Variants in MEGF11 observed in about 807,000 individuals in gnomAD.
The protein encoded by MEGF11 is multiple epidermal growth factor-like domains protein 11.
A neutral mutation model predicts 146.6 loss-of-function variants in MEGF11; 126 were observed. The observed-to-expected ratio is 0.86, with a 90% CI of 0.74 to 1.00. The LOEUF is 1.00. Among genes scored for constraint, MEGF11 ranks in the 50% least tolerant of loss-of-function variants. MEGF11 has a pLI of 0.00. For missense variants in MEGF11, 1,509 were observed against 1,521.2 expected (o/e 0.99, Z 0.13); for synonymous variants, 532 against 583.4 (o/e 0.91, Z 1.27).
chr15:66,230,325 T>C, intron 1 of MEGF11, among the ~76,000 whole-genome samples: 1 of 152,152 alleles, frequency 6.6e-6, no homozygotes, highest in Non-Finnish European at 1.5e-5. Flanking sequence ...AAACCTTCTG[T>C]CTTACCTCCC....
At chr15:66,158,283 G>A (rs906916304) in intron 1 of MEGF11, among the ~76,000 whole-genome samples, 2 of 152,204 alleles carry the variant, frequency 1.3e-5, no homozygotes, top group South Asian at 4.2e-4. Flanking sequence ...GGACAGTCAG[G>A]AGCTTCGTGT....
chr15:65,994,844 G>C (rs1414899293), intron 5 of MEGF11, among the ~76,000 whole-genome samples: 3 of 152,200 alleles, frequency 2.0e-5, no homozygotes, highest in African/African-American at 7.2e-5. Context: ...TTTCATTTTG[G>C]CAAAGGCAAC....
chr15:66,054,335 C>T (rs901441011), intron 5 of MEGF11, among the ~76,000 whole-genome samples: 2 of 152,218 alleles, frequency 1.3e-5, no homozygotes, highest in Non-Finnish European at 2.9e-5. Flanking sequence ...TCCATGAGGG[C>T]CTCTCACAGC....
intron 1 of MEGF11, among the ~76,000 whole-genome samples, chr15:66,173,369 A>G (rs2090313703): frequency 6.6e-6 from 1 of 152,054 alleles, no homozygotes; most frequent in African/African-American, 2.4e-5. Flanking sequence ...AGGCTGGAGT[A>G]CAGTGGTGCG....
intron 1 of MEGF11, among the ~76,000 whole-genome samples, chr15:66,142,829 G>A (rs1875526290): frequency 6.6e-6 from 1 of 152,200 alleles, no homozygotes; most frequent in African/African-American, 2.4e-5. Context: ...TCAAGCAGGT[G>A]GTCTCGCTTG....
At chr15:66,065,695 A>G (rs1367966443) in intron 5 of MEGF11, among the ~76,000 whole-genome samples, 1 of 152,186 alleles carries the variant, frequency 6.6e-6, no homozygotes. Flanking sequence ...GGCTCTTTGC[A>G]TTATTGATTG....
At chr15:66,248,435 T>A (rs2092326531) in intron 1 of MEGF11, among the ~76,000 whole-genome samples, 2 of 152,222 alleles carry the variant, frequency 1.3e-5, no homozygotes. Flanking sequence ...ATAAAAGATA[T>A]ATAACTAGTA....
intron 5 of MEGF11, among the ~76,000 whole-genome samples, 195 bp downstream of exon 5, chr15:66,094,207 C>G (rs948556580): frequency 1.3e-5 from 2 of 152,166 alleles, no homozygotes; most frequent in Admixed American, 1.3e-4. Context: ...TCACAGGCCC[C>G]CATAAATCAC....
chr15:66,046,127 T>C (rs2084194824), intron 5 of MEGF11, among the ~76,000 whole-genome samples: 1 of 152,114 alleles, frequency 6.6e-6, no homozygotes, highest in African/African-American at 2.4e-5. Flanking sequence ...GTATCTTCAT[T>C]TTGCAGCTGT....
intron 5 of MEGF11, among the ~76,000 whole-genome samples, chr15:66,022,567 A>G (rs993776623): frequency 1.3e-5 from 2 of 152,236 alleles, no homozygotes; most frequent in South Asian, 2.1e-4. Flanking sequence ...GCTTACACCT[A>G]TAATCCCAGT....
chr15:66,034,504 C>G (rs2083651509), intron 5 of MEGF11, among the ~76,000 whole-genome samples: 1 of 151,868 alleles, frequency 6.6e-6, no homozygotes. Flanking sequence ...AGTGCAAACT[C>G]CATCTCCCAG....
intron 1 of MEGF11, among the ~76,000 whole-genome samples, chr15:66,232,435 G>A (rs1026781009): frequency 3.9e-5 from 6 of 152,092 alleles, no homozygotes; most frequent in South Asian, 2.1e-4. Context: ...CCAAGTCCCC[G>A]GGGAGCTCTG....
At chr15:66,146,620 C>T (rs145792257) in intron 1 of MEGF11, among the ~76,000 whole-genome samples, 2,172 of 152,370 alleles carry the variant, frequency 0.014, 25 homozygotes, top group Admixed American at 0.025. Context: ...AGTGTGGGGA[C>T]CCCGCTGAGC....
At chr15:66,184,716 G>A (rs984133177) in intron 1 of MEGF11, among the ~76,000 whole-genome samples, 2 of 147,044 alleles carry the variant, frequency 1.4e-5, no homozygotes, top group Admixed American at 6.8e-5. Context: ...CCCCTGCCTC[G>A]CTGACTTTCT....
rs181913711 is a variant in MEGF11, at chr15:66,154,637, G to A, written c.-8-26226C>T. Among the ~76,000 whole-genome samples the A allele has an allele frequency of 1.9e-4, 29 of 152,356 alleles. No homozygotes were observed. In the East Asian group the frequency reaches 3.5e-3, roughly 18 times the overall value. On this transcript the variant is annotated intron_variant, in intron 1 of 25. Transcript: ENST00000395614. ...ATGAAAGGCAAAGTGCTGGAGGGAC[G>A]TGCAAGACAGAGACACTTCTAAAAT... is the stretch of plus-strand genomic sequence containing the variant.
rs879383425 is a variant in MEGF11, at chr15:66,026,649, AT to A, written c.395-44162del. Among the ~76,000 whole-genome samples the A allele has an allele frequency of 9.5e-3, 1,371 of 144,220 alleles. 4 individuals are homozygous for A. Among genetic ancestry groups the A allele is most frequent in the Admixed American group, 0.013 (189 of 14,432 alleles). The allele number at this position is 144,220 out of a possible 152,430, so 94.6% of individuals were successfully genotyped here. A position where few individuals can be genotyped will look rare whatever the true frequency, so the allele number is the denominator to read the frequency against. ...CAGGCGCATGCCACCACACCCAGCT[AT>A]TTTTTTTTTTTGTATTTTTAGTAGA... On this transcript the variant is annotated intron_variant, in intron 5 of 25. Transcript: ENST00000395614.
chr15:65,946,086 C>A (rs1041063071), intron 10 of MEGF11, among the ~76,000 whole-genome samples: 1 of 152,156 alleles, frequency 6.6e-6, no homozygotes, highest in East Asian at 1.9e-4. Context: ...CAGTGCCTGG[C>A]CCAGAGTAAG....
chr15:66,067,440 G>T (rs1486136596), intron 5 of MEGF11, among the ~76,000 whole-genome samples: 1 of 152,166 alleles, frequency 6.6e-6, no homozygotes, highest in African/African-American at 2.4e-5. Context: ...AGAAAATGAG[G>T]CCCACAGCAA....
intron 4 of MEGF11, among the ~76,000 whole-genome samples, chr15:66,106,655 A>C (rs2087094723): frequency 6.6e-6 from 1 of 152,160 alleles, no homozygotes; most frequent in African/African-American, 2.4e-5. Flanking sequence ...GTTAACCTTG[A>C]TATCAGCTGG....
Sources: allele counts gnomAD v4.1 joint callset (sites outside exome capture counted in the v4.1 genomes callset), GRCh38; gene constraint gnomAD v4.1.1; transcripts MANE v1.5; gene names NCBI Gene and HGNC (gene_info 2026-07-23, HGNC 2026-07-21).